The following ESCO2 variants were observed in gnomAD, a reference collection of about 807,000 sequenced individuals.
The protein encoded by ESCO2 is N-acetyltransferase ESCO2.
A neutral mutation model predicts 61.7 loss-of-function variants in ESCO2; 51 were observed. The observed-to-expected ratio is 0.83, with a 90% CI of 0.66 to 1.04. ESCO2 has a LOEUF of 1.04. ESCO2 is among the 50% of genes least tolerant of loss of function. ESCO2 has a pLI of 0.00. For missense variants in ESCO2, 692 were observed against 686.2 expected, an observed-to-expected ratio of 1.01 and a Z score of -0.09; for synonymous variants, 230 against 238.2, an observed-to-expected ratio of 0.97 and a Z score of 0.32.
downstream of ESCO2, among the ~76,000 whole-genome samples, chr8:27,815,757 T>A (rs1275210276): frequency 1.3e-5 from 2 of 152,228 alleles, no homozygotes; most frequent in African/African-American, 2.4e-5. Context: ...GTATGTATGT[T>A]TACAGTTCTC....
chr8:27,812,483 AT>A (rs1179580706), downstream of ESCO2: 11 of 152,184 alleles, frequency 7.2e-5, no homozygotes, highest in African/African-American at 2.7e-4. Flanking sequence ...ATGGGATCTA[AT>A]TAAAGAGCTT....
intron 9 of ESCO2, among the ~76,000 whole-genome samples, chr8:27,797,961 C>G (rs1197942761): frequency 6.6e-6 from 1 of 152,146 alleles, no homozygotes; most frequent in African/African-American, 2.4e-5. Flanking sequence ...ACTAACTGTT[C>G]TCTTCTACTC....
downstream of ESCO2, chr8:27,808,358 G>T: frequency 2.8e-6 from 1 of 362,778 alleles, no homozygotes; most frequent in Non-Finnish European, 4.5e-6. Flanking sequence ...CCACTTGAGA[G>T]AAGGCTATTT....
At chr8:27,789,142 G>A (rs1166028024) in intron 7 of ESCO2, among the ~76,000 whole-genome samples, 164 bp downstream of exon 7, 1 of 152,292 alleles carries the variant, frequency 6.6e-6, no homozygotes, top group East Asian at 1.9e-4. Context: ...ACTGCATTCT[G>A]AGCAGAGCTG....
chr8:27,810,515 G>A (rs778323580), downstream of ESCO2: 2 of 1,521,670 alleles, frequency 1.3e-6, no homozygotes, highest in African/African-American at 2.8e-5. Flanking sequence ...GAAGGAGTTA[G>A]AGATTGAAAC....
intron 8 of ESCO2, 26 bp downstream of exon 8, chr8:27,792,078 T>C (rs1805189458): frequency 1.9e-6 from 3 of 1,610,598 alleles, no homozygotes; most frequent in Non-Finnish European, 2.5e-6. Context: ...TTTTTATCTC[T>C]TGCCTTTCCC....
intron 3 of ESCO2, chr8:27,778,594 AAAGG>A (rs1294589224): frequency 6.6e-6 from 1 of 152,224 alleles, no homozygotes; most frequent in African/African-American, 2.4e-5. Flanking sequence ...CCAGTAAAAC[AAAGG>A]AAGAGTCTGC....
chr8:27,782,822 G>A (rs1804954654), intron 4 of ESCO2, among the ~76,000 whole-genome samples: 1 of 151,808 alleles, frequency 6.6e-6, no homozygotes, highest in Non-Finnish European at 1.5e-5. Flanking sequence ...ATAACTTCTA[G>A]TCAAAACACC....
At chr8:27,789,600 C>T (rs1205242039) in intron 7 of ESCO2, among the ~76,000 whole-genome samples, 2 of 151,712 alleles carry the variant, frequency 1.3e-5, no homozygotes, top group African/African-American at 2.4e-5. Flanking sequence ...CCCAACATGG[C>T]GAAAACCTGT....
intron 7 of ESCO2, among the ~76,000 whole-genome samples, chr8:27,790,287 T>A (rs761900910): frequency 6.6e-6 from 1 of 152,262 alleles, no homozygotes; most frequent in Non-Finnish European, 1.5e-5. Context: ...ATTCCTGGGT[T>A]ACAAATACAT....
At chr8:27,810,059 G>C (rs1371690294), downstream of ESCO2, 2 of 455,642 alleles carry the variant, frequency 4.4e-6, no homozygotes, top group African/African-American at 4.1e-5. Flanking sequence ...TTTTAAGTCA[G>C]CATGAGCAGT....
rs1382297259 is a variant in ESCO2 at position 27,803,298 on chromosome 8, T to C, written c.1674-8T>C. 2 of 1,613,600 alleles carry C rather than the reference T, an allele frequency of 1.2e-6. No individual in the cohort carries two copies. Among genetic ancestry groups the C allele is most frequent in the East Asian group, 2.2e-5 (1 of 44,840 alleles). ...TCCATCATTAAATCATCTTTTCTTC[T>C]CTTTTAGGAATTGCTTCATGTTTGG... On this transcript the variant is annotated splice_region_variant and splice_polypyrimidine_tract_variant and intron_variant, in intron 10 of 10. Transcript: ENST00000305188.
intron 7 of ESCO2, among the ~76,000 whole-genome samples, chr8:27,789,296 A>G (rs761065078): frequency 1.6e-4 from 24 of 152,198 alleles, no homozygotes; most frequent in Admixed American, 1.3e-4. Context: ...CCACCCATTT[A>G]TTAAACACCT....
At chr8:27,790,443 TAGGC>T (rs1805151376) in intron 7 of ESCO2, among the ~76,000 whole-genome samples, 1 of 152,208 alleles carries the variant, frequency 6.6e-6, no homozygotes, top group Non-Finnish European at 1.5e-5. Flanking sequence ...CCCCTATCTA[TAGGC>T]ATCCAGCATT....
At position 27,802,647 on chromosome 8, in the gene ESCO2, ATATATATAT is replaced by A. The variant is rs1404491270; in HGVS notation, c.1674-649_1674-641del. Among the ~76,000 whole-genome samples the A allele has an allele frequency of 6.8e-4, 51 of 75,350 alleles. 1 individual carries two copies. The highest frequency in any genetic ancestry group is 7.9e-3 in the Middle Eastern group (1 of 126). 49.4% of individuals were successfully genotyped at this position (75,350 alleles called of 152,430 possible). A position where few individuals can be genotyped will look rare whatever the true frequency, so the allele number is the denominator to read the frequency against. ...AAAAAAAAAATATATATATATATAT[ATATATATAT>A]TATATATATATATATATAGTTACTG... On this transcript the variant is annotated intron_variant, in intron 10 of 10. Coordinates refer to ENST00000305188, the MANE Select transcript of ESCO2 (RefSeq NM_001017420.3).
intron 5 of ESCO2, 109 bp from the exon 6 acceptor site, chr8:27,787,776 C>A: frequency 1.3e-6 from 1 of 791,290 alleles, no homozygotes. Flanking sequence ...AAGTTAATGT[C>A]AGATAGAAAG....
At chr8:27,777,339 T>C in intron 3 of ESCO2, 170 bp downstream of exon 3, 1 of 611,612 alleles carries the variant, frequency 1.6e-6, no homozygotes, top group Non-Finnish European at 2.6e-6. Context: ...AGGGTCTTTC[T>C]TTATGACCCA....
At chr8:27,802,141 CTT>C (rs75627743) in intron 10 of ESCO2, among the ~76,000 whole-genome samples, 1,426 of 139,658 alleles carry the variant, frequency 0.01, 25 homozygotes, top group African/African-American at 0.035. Flanking sequence ...TTGATTAATT[CTT>C]TTTTTTTTTC....
rs781674115 is a variant in ESCO2 at position 27,784,021 on chromosome 8, A to G, written c.977A>G (p.Tyr326Cys). Residue 326 changes from tyrosine to cysteine, a missense_variant, in exon 5 of 11, where the codon TAT (tyrosine) becomes TGT (cysteine). Tyr to Cys is a radical substitution (Grantham distance 194). Transcript: ENST00000305188. ...CCAGTTTCTCCTAAGTCCACTGTCT[A>G]TCCAATCTTCAGTGCATCTTCAGTC... ...NKTISPKSTVYPIFSASSVNS... is the reference protein window; with the variant it reads ...NKTISPKSTVCPIFSASSVNS... 1.4e-5 allele frequency: 23 copies of G among 1,613,486 alleles called. No individual in the cohort carries two copies. The highest frequency in any genetic ancestry group is 1.7e-5 in the Non-Finnish European group (20 of 1,179,658).
Sources: gnomAD v4.1 joint callset for allele counts (sites outside exome capture counted in the v4.1 genomes callset) on GRCh38, gnomAD v4.1.1 for gene constraint, MANE v1.5 for transcripts, NCBI Gene and HGNC (gene_info 2026-07-23, HGNC 2026-07-21) for gene names.